The following SLC15A1 variants were observed in gnomAD, a reference collection of about 807,000 sequenced individuals.
The protein encoded by SLC15A1 is solute carrier family 15 member 1, also known as Caco-2 oligopeptide transporter.
SLC15A1 carries 83 observed loss-of-function variants against 92.9 expected under a neutral mutation model. The ratio of observed to expected loss-of-function variants is 0.89; its 90% CI spans 0.75 to 1.07. The LOEUF is 1.07. Ranked by LOEUF, SLC15A1 falls within the 50% of genes least tolerant of loss-of-function variation. The pLI, the probability that SLC15A1 is intolerant of heterozygous loss-of-function variation, is 0.00. For synonymous variants in SLC15A1, 322 were observed against 318.2 expected (o/e 1.01, Z -0.13); for missense variants, 857 against 880.1 (o/e 0.97, Z 0.33).
Position 98,686,272 on chromosome 13 carries a change from A to G in SLC15A1, c.1853T>C (p.Leu618Pro), listed in dbSNP as rs2087928423. 3.1e-6 allele frequency: 5 copies of G among 1,612,750 alleles called. No individual in the cohort carries two copies. The Admixed American group carries it at 6.7e-5, about 22-fold the overall frequency. The change falls in exon 22 of 23, where the codon CTT becomes CCT. Residue 618 changes from leucine (L) to proline (P), a missense_variant. Coordinates refer to ENST00000376503, the MANE Select transcript of SLC15A1 (RefSeq NM_005073.4). ...SQAPSNMKSV[L>P]QAGWLLTVAV... ...CACGGTCAGCAGCCATCCTGCCTGAAGCACCGACTTCATGTTGGAAGGAGC... is the reference window on the plus strand; with the variant it reads ...CACGGTCAGCAGCCATCCTGCCTGAGGCACCGACTTCATGTTGGAAGGAGC...
chr13:98,709,533 C>T, intron 14 of SLC15A1, 39 bp downstream of exon 14: 1 of 1,577,206 alleles, frequency 6.3e-7, no homozygotes, highest in Non-Finnish European at 8.7e-7. Context: ...GCCCTGGGAC[C>T]AAGGGAGCCT....
At position 98,684,909 on chromosome 13, in the gene SLC15A1, C is replaced by T. The variant is rs548069102; in HGVS notation, c.1942G>A (p.Glu648Lys). The change falls in exon 23 of 23, where the codon GAG becomes AAG. Residue 648 changes from glutamate to lysine, a missense_variant. By Grantham distance (56) the Glu-to-Lys change is moderately conservative. Coordinates refer to ENST00000376503, the MANE Select transcript of SLC15A1 (RefSeq NM_005073.4). ...GAGQFSKQWAEYILFAALLLV... is the reference protein window; with the variant it reads ...GAGQFSKQWAKYILFAALLLV... ...AGCAACGCGGCAAATAGAATGTACT[C>T]GGCCCACTTTGAAGAAATCAGAGTT... 57 of 1,610,926 alleles carry T rather than the reference C, an allele frequency of 3.5e-5. No individual in the cohort carries two copies. The African/African-American group carries it at 4.5e-4, about 13-fold the overall frequency.
chr13:98,720,846 C>G (rs111696122), intron 7 of SLC15A1: 416 of 316,380 alleles, frequency 1.3e-3, no homozygotes, highest in African/African-American at 8.0e-3. Flanking sequence ...GGCAGGAGAT[C>G]GAGACCATCC....
Position 98,732,880 on chromosome 13 carries a change from T to C in SLC15A1, c.5-6021A>G, listed in dbSNP as rs189943823. ...GGTCAGAATGGTGGTCCCCTAGAGA[T>C]GTCCATGTCGTAATCTCTGGGATTC... is the stretch of plus-strand genomic sequence containing the variant. On this transcript the variant is annotated intron_variant, in intron 1 of 22. Transcript: ENST00000376503. 9.1e-4 allele frequency among the ~76,000 whole-genome samples: 139 copies of C among 152,304 alleles called. 3 individuals carry two copies. Among genetic ancestry groups the C allele is most frequent in the African/African-American group, 3.3e-3 (136 of 41,564 alleles).
At chr13:98,731,936 G>C (rs139361457) in intron 1 of SLC15A1, among the ~76,000 whole-genome samples, 128 of 152,338 alleles carry the variant, frequency 8.4e-4, no homozygotes, top group African/African-American at 2.8e-3. Context: ...TTTTCTGAAA[G>C]TGTGTATTCC....
At position 98,684,608 on chromosome 13, in the gene SLC15A1, G is replaced by A; in HGVS notation, c.*116C>T. Reference sequence around the variant, plus strand: ...AAAAGAAAATAGCATTCATGGTTTAGTTCCCAATTCTGAAGTCTTCCTCAT... The same window carrying A: ...AAAAGAAAATAGCATTCATGGTTTAATTCCCAATTCTGAAGTCTTCCTCAT... On this transcript the variant is annotated 3_prime_UTR_variant, in exon 23 of 23. Coordinates refer to ENST00000376503, the MANE Select transcript of SLC15A1 (RefSeq NM_005073.4). 1.8e-6 allele frequency: 1 copy of A among 560,606 alleles called. No individual in the cohort carries two copies. 34.7% of individuals were successfully genotyped at this position (560,606 alleles called of 1,614,324 possible). A position where few individuals can be genotyped will look rare whatever the true frequency, so the allele number is the denominator to read the frequency against.
At chr13:98,715,803 A>T in intron 9 of SLC15A1, 75 bp downstream of exon 9, 1 of 1,229,908 alleles carries the variant, frequency 8.1e-7, no homozygotes, top group Non-Finnish European at 1.2e-6. Flanking sequence ...GTCAAAGCTT[A>T]AATTTTAATT....
intron 20 of SLC15A1, 129 bp downstream of exon 20, chr13:98,688,119 T>C (rs1263684582): frequency 2.0e-5 from 13 of 661,370 alleles, no homozygotes; most frequent in Non-Finnish European, 2.8e-5. Flanking sequence ...GCAAATTAAT[T>C]CTAAGCCCAT....
intron 1 of SLC15A1, among the ~76,000 whole-genome samples, chr13:98,728,778 C>G (rs1039745805): frequency 6.6e-6 from 1 of 151,510 alleles, no homozygotes; most frequent in Non-Finnish European, 1.5e-5. Context: ...GTCAGGAGTT[C>G]AAGACCAGCC....
chr13:98,701,295 T>C (rs1044386303), intron 18 of SLC15A1, among the ~76,000 whole-genome samples: 2 of 152,154 alleles, frequency 1.3e-5, no homozygotes, highest in African/African-American at 2.4e-5. Flanking sequence ...TGGGGGGAGA[T>C]AGTATACATG....
intron 7 of SLC15A1, among the ~76,000 whole-genome samples, chr13:98,720,155 G>A (rs752401517): frequency 3.3e-5 from 5 of 152,084 alleles, no homozygotes; most frequent in African/African-American, 7.2e-5. Flanking sequence ...TCATGCAAAT[G>A]TTTCCTGTTC....
At chr13:98,692,300 T>C (rs1307333841) in intron 18 of SLC15A1, among the ~76,000 whole-genome samples, 1 of 151,580 alleles carries the variant, frequency 6.6e-6, no homozygotes, top group African/African-American at 2.4e-5. Context: ...ACTGCAGGAG[T>C]GCATCACCAT....
intron 10 of SLC15A1, among the ~76,000 whole-genome samples, chr13:98,712,151 T>C (rs1363814924): frequency 2.6e-5 from 4 of 152,150 alleles, no homozygotes; most frequent in Non-Finnish European, 5.9e-5. Flanking sequence ...AAAACATCTA[T>C]TTAGGAGGTA....
At chr13:98,714,817 T>A (rs1166117155) in intron 9 of SLC15A1, among the ~76,000 whole-genome samples, 2 of 152,084 alleles carry the variant, frequency 1.3e-5, no homozygotes, top group Non-Finnish European at 2.9e-5. Context: ...TACCTCCAGT[T>A]ATACAACATA....
intron 15 of SLC15A1, among the ~76,000 whole-genome samples, chr13:98,707,343 T>C (rs1273614062): frequency 6.6e-6 from 1 of 152,128 alleles, no homozygotes; most frequent in African/African-American, 2.4e-5. Context: ...TCTGACACAG[T>C]CTACAACAGG....
intron 18 of SLC15A1, among the ~76,000 whole-genome samples, chr13:98,699,172 C>A (rs2088047330): frequency 6.6e-6 from 1 of 152,168 alleles, no homozygotes; most frequent in African/African-American, 2.4e-5. Context: ...CTGCGAATGT[C>A]ATGTAAATGG....
At chr13:98,707,933 A>T (rs2088127094) in intron 15 of SLC15A1, among the ~76,000 whole-genome samples, 1 of 138,802 alleles carries the variant, frequency 7.2e-6, no homozygotes, top group African/African-American at 3.2e-5. Flanking sequence ...AATACGGTAA[A>T]TGTTATGTTA....
intron 1 of SLC15A1, among the ~76,000 whole-genome samples, chr13:98,729,614 G>A (rs1182122272): frequency 6.6e-6 from 1 of 152,308 alleles, no homozygotes; most frequent in African/African-American, 2.4e-5. Context: ...TACAGCATGC[G>A]GAAGCCTCCA....
chr13:98,690,041 C>T (rs1191468828), intron 18 of SLC15A1, among the ~76,000 whole-genome samples: 1 of 152,176 alleles, frequency 6.6e-6, no homozygotes, highest in African/African-American at 2.4e-5. Context: ...TCTCATACAA[C>T]CCTAGTGACC....
Sources: allele counts gnomAD v4.1 joint callset (sites outside exome capture counted in the v4.1 genomes callset), GRCh38; gene constraint gnomAD v4.1.1; transcripts MANE v1.5; gene names NCBI Gene and HGNC (gene_info 2026-07-23, HGNC 2026-07-21).